Variants in NLN observed in about 807,000 individuals in gnomAD.
The protein encoded by NLN is neurolysin.
In NLN, 64 loss-of-function variants were observed where a neutral mutation model predicts 79.9. That is an observed-to-expected ratio of 0.80 (90% CI 0.65 to 0.99). NLN has a LOEUF of 0.99. Among genes scored for constraint, NLN ranks in the 50% least tolerant of loss-of-function variants. NLN has a pLI of 0.00. For synonymous variants in NLN, 267 were observed against 296.6 expected, an observed-to-expected ratio of 0.90 and a Z score of 1.02; for missense variants, 835 against 858.7, an observed-to-expected ratio of 0.97 and a Z score of 0.34.
At chr5:65,738,985 T>TA (rs1180786706) in intron 1 of NLN, among the ~76,000 whole-genome samples, 1,943 of 13,130 alleles carry the variant, frequency 0.15, 238 homozygotes, top group South Asian at 0.28. Context: ...ATATATTATA[T>TA]ATTTATATAT....
chr5:65,758,397 GA>G (rs1348794415), intron 1 of NLN, among the ~76,000 whole-genome samples, 169 bp from the exon 2 acceptor site: 1 of 152,068 alleles, frequency 6.6e-6, no homozygotes, highest in Non-Finnish European at 1.5e-5. Flanking sequence ...AGAAAAATAG[GA>G]AATACAGGGG....
chr5:65,723,146 C>T (rs1296222325), intron 1 of NLN: 1 of 152,258 alleles, frequency 6.6e-6, no homozygotes, highest in Non-Finnish European at 1.5e-5. Flanking sequence ...CCACCATCCC[C>T]GTTTCCAAAT....
chr5:65,800,489 C>T (rs554178212), intron 9 of NLN, among the ~76,000 whole-genome samples: 1 of 152,132 alleles, frequency 6.6e-6, no homozygotes, highest in East Asian at 1.9e-4. Context: ...TCCTGGCTAA[C>T]ACGGTGAAAC....
intron 9 of NLN, among the ~76,000 whole-genome samples, chr5:65,801,923 G>A (rs2150769619): frequency 6.6e-6 from 1 of 152,246 alleles, no homozygotes; most frequent in East Asian, 1.9e-4. Context: ...ACTAATGACT[G>A]AAAAATCTTC....
intron 1 of NLN, among the ~76,000 whole-genome samples, chr5:65,746,579 G>A (rs569211504): frequency 6.6e-6 from 1 of 152,196 alleles, no homozygotes; most frequent in South Asian, 2.1e-4. Context: ...TGAGGATGAA[G>A]GGAAAGGAAG....
At chr5:65,781,952 G>C (rs1016642778) in intron 6 of NLN, among the ~76,000 whole-genome samples, 1 of 152,142 alleles carries the variant, frequency 6.6e-6, no homozygotes, top group African/African-American at 2.4e-5. Context: ...AGGAAGACAA[G>C]TTATCAGCTC....
chr5:65,785,957 A>G, intron 7 of NLN, 47 bp downstream of exon 7: 1 of 1,573,802 alleles, frequency 6.4e-7, no homozygotes, highest in Non-Finnish European at 8.7e-7. Flanking sequence ...ATACCATGTC[A>G]ACCAGACAGA....
chr5:65,808,911 C>A (rs1382179340), intron 9 of NLN, among the ~76,000 whole-genome samples: 2 of 152,238 alleles, frequency 1.3e-5, no homozygotes, highest in African/African-American at 4.8e-5. Flanking sequence ...TAGAACCACT[C>A]ATTTAAAGTT....
At position 65,793,090 on chromosome 5, in the gene NLN, C is replaced by T. The variant is rs529652976; in HGVS notation, c.1527+435C>T. 3.6e-5 allele frequency: 10 copies of T among 280,246 alleles called. No homozygotes were observed. In the East Asian group the frequency reaches 1.1e-3, roughly 29 times the overall value. The allele number at this position is 280,246 out of a possible 1,614,324, so 17.4% of individuals were successfully genotyped here. ...TAAATAATAATTTTGTAACATTTGC[C>T]TTTACTAACTTCAAATTAAAATCAT... On this transcript the variant is annotated intron_variant, in intron 9 of 12. Transcript: ENST00000380985.
intron 12 of NLN, among the ~76,000 whole-genome samples, chr5:65,821,647 T>C (rs1310351889): frequency 1.3e-5 from 2 of 152,348 alleles, no homozygotes; most frequent in South Asian, 2.1e-4. Flanking sequence ...CCCTAGAGTT[T>C]CTGAGAAGGT....
intron 1 of NLN, chr5:65,722,624 C>T: frequency 1.9e-6 from 1 of 532,920 alleles, no homozygotes; most frequent in South Asian, 2.3e-5. Flanking sequence ...CTCGGGAGGA[C>T]GTCCATTCCT....
intron 12 of NLN, among the ~76,000 whole-genome samples, chr5:65,812,817 G>A (rs190899978): frequency 2.0e-5 from 3 of 152,186 alleles, no homozygotes; most frequent in East Asian, 3.9e-4. Flanking sequence ...TGTGGGAGAC[G>A]CCCTTTTTCT....
At chr5:65,809,075 G>T (rs1230178120) in intron 9 of NLN, 1 of 157,028 alleles carries the variant, frequency 6.4e-6, no homozygotes. Flanking sequence ...AGAGTGATGA[G>T]TGCCCCAGAA....
intron 12 of NLN, among the ~76,000 whole-genome samples, chr5:65,814,042 G>A (rs539577241): frequency 6.6e-6 from 1 of 152,046 alleles, no homozygotes; most frequent in South Asian, 2.1e-4. Context: ...GGAGTTCCTG[G>A]TAAGAGTTCC....
At chr5:65,793,772 A>G (rs1251324238) in intron 9 of NLN, 1 of 152,190 alleles carries the variant, frequency 6.6e-6, no homozygotes, top group Non-Finnish European at 1.5e-5. Flanking sequence ...TTTTATTAGG[A>G]TACTTTTAGA....
chr5:65,778,341 C>A (rs920501602), intron 4 of NLN, among the ~76,000 whole-genome samples: 1 of 152,160 alleles, frequency 6.6e-6, no homozygotes, highest in Non-Finnish European at 1.5e-5. Flanking sequence ...GGTCATTCTT[C>A]TAGCCAGCAG....
In NLN at chr5:65,825,912, A is replaced by G. The variant is rs1168977142; in HGVS notation, c.*2997A>G. ...GTTTACCATTTATTCATTTTCTATC[A>G]TACACAGGTGGATTAAAATTTACAT... is the stretch of plus-strand genomic sequence containing the variant. On this transcript the variant is annotated 3_prime_UTR_variant, in exon 13 of 13. Transcript: ENST00000380985. 6.6e-6 allele frequency: 1 copy of G among 152,208 alleles called. No homozygotes were observed. The highest frequency in any genetic ancestry group is 2.4e-5 in the African/African-American group (1 of 41,456). The allele number at this position is 152,208 out of a possible 1,614,324, so 9.4% of individuals were successfully genotyped here. A position where few individuals can be genotyped will look rare whatever the true frequency, so the allele number is the denominator to read the frequency against.
chr5:65,750,178 C>T (rs1188592839), intron 1 of NLN, among the ~76,000 whole-genome samples: 2 of 152,222 alleles, frequency 1.3e-5, no homozygotes, highest in African/African-American at 2.4e-5. Flanking sequence ...GCTGTCCGTT[C>T]GAACTTTCTG....
chr5:65,804,695 A>AT (rs528140327), intron 9 of NLN, among the ~76,000 whole-genome samples: 4 of 151,320 alleles, frequency 2.6e-5, no homozygotes, highest in Middle Eastern at 3.4e-3. Context: ...CACCCAGCTA[A>AT]TTTTTTTTTG....
Sources: allele counts gnomAD v4.1 joint callset (sites outside exome capture counted in the v4.1 genomes callset), GRCh38; gene constraint gnomAD v4.1.1; transcripts MANE v1.5; gene names NCBI Gene and HGNC (gene_info 2026-07-23, HGNC 2026-07-21).